Variants in THSD7B observed in about 807,000 individuals in gnomAD.
THSD7B encodes thrombospondin type-1 domain-containing protein 7B.
Under a neutral mutation model 213.6 loss-of-function variants are expected in THSD7B, and 138 were observed. That is an observed-to-expected ratio of 0.65 (90% CI 0.56 to 0.74). The LOEUF (loss-of-function observed/expected upper bound fraction) is 0.74, where lower values mean the gene tolerates loss of function less well. Among genes scored for constraint, THSD7B ranks in the 30% least tolerant of loss-of-function variants. THSD7B has a pLI of 0.00. For synonymous variants in THSD7B, 742 were observed against 687.0 expected (o/e 1.08, Z -1.25); for missense variants, 1,931 against 1,991.5 (o/e 0.97, Z 0.58).
At chr2:136,914,911 T>G (rs1167048076) in intron 2 of THSD7B, among the ~76,000 whole-genome samples, 1 of 152,194 alleles carries the variant, frequency 6.6e-6, no homozygotes, top group Non-Finnish European at 1.5e-5. Context: ...TGTATAATTT[T>G]GAGCTATATT....
At chr2:137,136,140 G>T (rs1193184146) in intron 5 of THSD7B, among the ~76,000 whole-genome samples, 1 of 152,086 alleles carries the variant, frequency 6.6e-6, no homozygotes, top group African/African-American at 2.4e-5. Flanking sequence ...ACACACCAGG[G>T]CCTGCTGGGG....
chr2:136,876,188 G>A (rs1649547), intron 1 of THSD7B, among the ~76,000 whole-genome samples: 130,748 of 152,218 alleles, frequency 0.86, 56,533 homozygotes, highest in Non-Finnish European at 0.91. Flanking sequence ...AGGAACAACC[G>A]CTGCCAAACA....
intron 3 of THSD7B, among the ~76,000 whole-genome samples, chr2:137,065,854 G>A (rs942700096): frequency 1.6e-4 from 24 of 151,934 alleles, no homozygotes; most frequent in African/African-American, 5.6e-4. Context: ...CCCATCCCTT[G>A]CATCATAGCT....
intron 2 of THSD7B, among the ~76,000 whole-genome samples, chr2:137,009,615 G>A (rs193163602): frequency 2.0e-5 from 3 of 152,230 alleles, no homozygotes; most frequent in Non-Finnish European, 4.4e-5. Flanking sequence ...CATGGTGCCA[G>A]ACAAGAGAGA....
In THSD7B at chr2:136,863,711, A is replaced by G. The variant is rs57915695; in HGVS notation, c.-35-18433A>G. 9.8e-3 allele frequency among the ~76,000 whole-genome samples: 1,487 copies of G among 151,866 alleles called. 31 individuals are homozygous for G. The highest frequency in any genetic ancestry group is 0.034 in the African/African-American group (1,427 of 41,384). On this transcript the variant is annotated intron_variant, in intron 1 of 27. Transcript: ENST00000409968. ...TCTTAGGAAGAGGGTTCCAGCCACA[A>G]CTATTAGAGGTAGAAAAGCTGTGCA... is the stretch of plus-strand genomic sequence containing the variant.
chr2:136,884,863 T>C (rs149464804), intron 2 of THSD7B, among the ~76,000 whole-genome samples: 1 of 152,272 alleles, frequency 6.6e-6, no homozygotes, highest in East Asian at 1.9e-4. Flanking sequence ...CTAGTTTTTT[T>C]GCTATTATAA....
At chr2:136,870,071 CAA>C (rs5834512) in intron 1 of THSD7B, among the ~76,000 whole-genome samples, 5,364 of 130,560 alleles carry the variant, frequency 0.041, 132 homozygotes, top group Non-Finnish European at 0.058. Context: ...GACTCCGTCT[CAA>C]AAAAAAAAAA....
intron 15 of THSD7B, among the ~76,000 whole-genome samples, chr2:137,457,350 C>A (rs1313384016): frequency 6.6e-6 from 1 of 152,164 alleles, no homozygotes; most frequent in Non-Finnish European, 1.5e-5. Context: ...TTGCTATGCA[C>A]CTCTAGAATG....
At chr2:137,316,852 G>T (rs570413304) in intron 12 of THSD7B, among the ~76,000 whole-genome samples, 1 of 151,960 alleles carries the variant, frequency 6.6e-6, no homozygotes, top group Non-Finnish European at 1.5e-5. Flanking sequence ...GAGAGAGTGA[G>T]CCAGTAGAAG....
At chr2:137,419,347 A>G (rs1382701916) in intron 14 of THSD7B, among the ~76,000 whole-genome samples, 2 of 149,594 alleles carry the variant, frequency 1.3e-5, no homozygotes, top group Non-Finnish European at 3.0e-5. Context: ...TTGAGCTCTC[A>G]GCCCCCACTT....
rs111449918 is a variant in THSD7B, at chr2:137,641,898, A to C, written c.3800-590A>C. ...TCTGAAAAAAAATTGTCTGTTTTGA[A>C]TTAATTAAAAGACACTATTGGGACC... On this transcript the variant is annotated intron_variant, in intron 20 of 27. Transcript: ENST00000409968. Among the ~76,000 whole-genome samples the C allele has an allele frequency of 5.3e-5, 8 of 152,342 alleles. 3 individuals carry two copies. The highest frequency in any genetic ancestry group is 1.9e-4 in the African/African-American group (8 of 41,588).
chr2:137,113,209 C>G (rs973201678), intron 4 of THSD7B, among the ~76,000 whole-genome samples: 1 of 152,072 alleles, frequency 6.6e-6, no homozygotes, highest in African/African-American at 2.4e-5. Flanking sequence ...TCATTTTGCC[C>G]TGGATGAAAG....
intron 20 of THSD7B, among the ~76,000 whole-genome samples, chr2:137,636,121 C>G (rs1682828813): frequency 6.6e-6 from 1 of 152,182 alleles, no homozygotes; most frequent in South Asian, 2.1e-4. Flanking sequence ...ATTCCATAGA[C>G]AGCCAAGCCC....
In THSD7B at chr2:136,809,183, G is replaced by C. The variant is rs184604042; in HGVS notation, c.-36+43496G>C. On this transcript the variant is annotated intron_variant, in intron 1 of 27. Coordinates refer to ENST00000409968, the MANE Select transcript of THSD7B (RefSeq NM_001316349.2). ...CATGATCAAATCAAGGCAGGGTCTA[G>C]GAATCTGGAGAACACGAGTTGGCAG... 1.6e-4 allele frequency among the ~76,000 whole-genome samples: 25 copies of C among 152,278 alleles called. No individual in the cohort carries two copies. In the East Asian group the frequency reaches 4.2e-3, roughly 26 times the overall value.
intron 1 of THSD7B, among the ~76,000 whole-genome samples, chr2:136,848,988 C>G (rs1274502549): frequency 6.6e-6 from 1 of 152,002 alleles, no homozygotes; most frequent in Non-Finnish European, 1.5e-5. Context: ...ATTCTAATAA[C>G]CCTGCAAGTT....
chr2:136,826,284 T>C (rs1395685600), intron 1 of THSD7B, among the ~76,000 whole-genome samples: 1 of 152,222 alleles, frequency 6.6e-6, no homozygotes, highest in African/African-American at 2.4e-5. Flanking sequence ...GAGGATTTAT[T>C]ATCATTTGCA....
intron 10 of THSD7B, among the ~76,000 whole-genome samples, chr2:137,257,772 T>C (rs1309727507): frequency 1.3e-5 from 2 of 152,160 alleles, no homozygotes; most frequent in Admixed American, 1.3e-4. Flanking sequence ...GGATTGCATT[T>C]CTTCAGCTGA....
chr2:136,844,721 C>T (rs2104958460), intron 1 of THSD7B, among the ~76,000 whole-genome samples: 1 of 152,314 alleles, frequency 6.6e-6, no homozygotes, highest in Middle Eastern at 3.4e-3. Flanking sequence ...TAGACAGCCT[C>T]CAACTGTCAG....
intron 10 of THSD7B, among the ~76,000 whole-genome samples, chr2:137,268,249 A>G (rs936741579): frequency 6.6e-6 from 1 of 151,912 alleles, no homozygotes; most frequent in East Asian, 1.9e-4. Context: ...GGTTTGCTGC[A>G]CCCATCAACT....
Sources: gnomAD v4.1 joint callset for allele counts (sites outside exome capture counted in the v4.1 genomes callset) on GRCh38, gnomAD v4.1.1 for gene constraint, MANE v1.5 for transcripts, NCBI Gene and HGNC (gene_info 2026-07-23, HGNC 2026-07-21) for gene names.